The following KYAT3 variants were observed in gnomAD, a reference collection of about 807,000 sequenced individuals.
KYAT3 encodes kynurenine aminotransferase 3.
In KYAT3, 50 loss-of-function variants were observed where a neutral mutation model predicts 59.0. That is an observed-to-expected ratio of 0.85 (90% confidence interval 0.68 to 1.07). The LOEUF (loss-of-function observed/expected upper bound fraction) is 1.07, where lower values mean the gene tolerates loss of function less well. KYAT3 is among the 50% of genes least tolerant of loss of function. The pLI is 0.00. For missense variants in KYAT3, 497 were observed against 533.3 expected, an observed-to-expected ratio of 0.93 and a Z score of 0.67; for synonymous variants, 148 against 177.0, an observed-to-expected ratio of 0.84 and a Z score of 1.30.
chr1:88,970,011 A>C (rs943631993), intron 2 of KYAT3, among the ~76,000 whole-genome samples: 1 of 152,178 alleles, frequency 6.6e-6, no homozygotes, highest in African/African-American at 2.4e-5. Flanking sequence ...ACCTAAGGAC[A>C]AAAAGTATCA....
At chr1:88,973,208 T>C (rs141687668) in intron 2 of KYAT3, among the ~76,000 whole-genome samples, 74 of 152,332 alleles carry the variant, frequency 4.9e-4, no homozygotes, top group African/African-American at 1.8e-3. Flanking sequence ...AACAATCTTA[T>C]TCACAGCTCT....
the KYAT3 span, among the ~76,000 whole-genome samples, chr1:88,927,576 A>AC: frequency 6.6e-6 from 1 of 151,238 alleles, no homozygotes; most frequent in Non-Finnish European, 1.5e-5. Flanking sequence ...ACTAATAAGG[A>AC]CCCCCCTTCA....
intron 5 of KYAT3, among the ~76,000 whole-genome samples, chr1:88,963,988 AG>A (rs1423638327): frequency 6.6e-6 from 1 of 152,214 alleles, no homozygotes; most frequent in African/African-American, 2.4e-5. Flanking sequence ...GGATCACCTG[AG>A]GTCAGGAGTT....
At chr1:88,966,452 T>A (rs972992442) in intron 4 of KYAT3, among the ~76,000 whole-genome samples, 3 of 152,192 alleles carry the variant, frequency 2.0e-5, no homozygotes, top group African/African-American at 4.8e-5. Context: ...TTTTAAAAAA[T>A]TTATTCTTAA....
intron 2 of KYAT3, chr1:88,979,622 G>A (rs1016584668): frequency 3.9e-5 from 6 of 152,152 alleles, no homozygotes; most frequent in African/African-American, 1.4e-4. Flanking sequence ...GTCACCCGGG[G>A]AAATGAAAAT....
In KYAT3 at chr1:88,944,986, G is replaced by C. The variant is rs1023497335; in HGVS notation, c.1142-1563C>G. Among the ~76,000 whole-genome samples, 4 of 152,118 alleles carry C rather than the reference G, an allele frequency of 2.6e-5. No homozygotes were observed. The East Asian group carries it at 7.7e-4, about 29-fold the overall frequency. ...AGCCTCCTGAGTAGCTAGGATTACA[G>C]GTATGCGCCACCACACCTGGCTAAT... is the stretch of plus-strand genomic sequence containing the variant. On this transcript the variant is annotated intron_variant, in intron 11 of 13. Transcript: ENST00000260508.
At chr1:88,950,720 A>G (rs1035674574) in intron 10 of KYAT3, among the ~76,000 whole-genome samples, 3 of 152,114 alleles carry the variant, frequency 2.0e-5, no homozygotes, top group Non-Finnish European at 4.4e-5. Context: ...TACCACCCCC[A>G]TCTTTGTTCA....
At chr1:88,955,449 G>T (rs1570792156) in intron 8 of KYAT3, among the ~76,000 whole-genome samples, 1 of 152,016 alleles carries the variant, frequency 6.6e-6, no homozygotes, top group African/African-American at 2.4e-5. Context: ...TATATAAATA[G>T]ATTTAATAAT....
intron 2 of KYAT3, among the ~76,000 whole-genome samples, chr1:88,969,803 A>G (rs1676483667): frequency 6.6e-6 from 1 of 152,040 alleles, no homozygotes; most frequent in African/African-American, 2.4e-5. Flanking sequence ...TACTGTGCCA[A>G]ACTATTTTTT....
chr1:88,991,125 TAG>T (rs1333929161), intron 1 of KYAT3, among the ~76,000 whole-genome samples: 2 of 152,204 alleles, frequency 1.3e-5, no homozygotes, highest in Admixed American at 6.5e-5. Flanking sequence ...ATCAACGGTT[TAG>T]ACTGTTTAAA....
Position 88,964,908 on chromosome 1 carries a change from T to A in KYAT3, c.374A>T (p.Asn125Ile). The A allele has an allele frequency of 1.2e-6, 2 of 1,610,124 alleles. No homozygotes were observed. Among genetic ancestry groups the A allele is most frequent in the African/African-American group, 2.7e-5 (2 of 74,842 alleles). Residue 125 changes from asparagine to isoleucine, a missense_variant, in exon 5 of 14, where the codon AAT (asparagine) becomes ATT (isoleucine). Transcript: ENST00000260508. ...EKLYQKQIDSNKEILVTVGAY... is the reference protein window; with the variant it reads ...EKLYQKQIDSIKEILVTVGAY... ...TCCTACTGTCACAAGGATTTCTTTA[T>A]TTGAATCAATTTGCTTTTGATAAAG...
At chr1:88,945,358 G>GT (rs1557682025) in intron 11 of KYAT3, among the ~76,000 whole-genome samples, 3 of 152,128 alleles carry the variant, frequency 2.0e-5, no homozygotes, top group Admixed American at 2.0e-4. Flanking sequence ...GCCCAAATTT[G>GT]TTTTTGCATT....
chr1:88,946,324 GA>G (rs1380052068), intron 11 of KYAT3, among the ~76,000 whole-genome samples: 1 of 26,148 alleles, frequency 3.8e-5, no homozygotes, highest in Non-Finnish European at 1.1e-4. Flanking sequence ...ATGTGTAACT[GA>G]TTTTTTTTTT....
In KYAT3 at chr1:88,943,204, C is replaced by T. The variant is rs78478696; in HGVS notation, c.1216-113G>A. The T allele has an allele frequency of 0.012, 12,564 of 1,069,694 alleles. 593 individuals are homozygous for T. The African/African-American group carries it at 0.12, about 10-fold the overall frequency. 66.3% of individuals were successfully genotyped at this position (1,069,694 alleles called of 1,614,324 possible). On this transcript the variant is annotated intron_variant, in intron 12 of 13. Transcript: ENST00000260508. The stretch of plus-strand genomic sequence containing the variant: ...TACTTTTAAATAGTCACAATAATTT[C>T]CAAAAAGAAAAATGCTTTTAAAAGC...
rs749545379 is a variant in KYAT3 at position 88,943,010 on chromosome 1, T to C, written c.1297A>G (p.Ile433Val). 5.0e-6 allele frequency: 8 copies of C among 1,610,040 alleles called. No homozygotes were observed. In the South Asian group the frequency reaches 7.7e-5, roughly 16 times the overall value. ...QFEKFVRFCFIKKDSTLDAAE... is the reference protein window; with the variant it reads ...QFEKFVRFCFVKKDSTLDAAE... ...CAATAGAGCAGGGAACTTACTTTAA[T>C]GAAGCAAAAACGCACAAACTTCTCA... Residue 433 changes from isoleucine to valine, a missense_variant, in exon 13 of 14, where the codon ATT (isoleucine) becomes GTT (valine). This residue lies in a region of KYAT3 where 28 missense variants were observed against 54.2 expected (regional missense o/e 0.52). Transcript: ENST00000260508.
intron 13 of KYAT3, among the ~76,000 whole-genome samples, chr1:88,936,696 GC>G (rs35499972): frequency 0.44 from 67,193 of 151,984 alleles, 16,005 homozygotes; most frequent in South Asian, 0.68. Flanking sequence ...ACACTACTCT[GC>G]CCCTTGCTTT....
the KYAT3 span, among the ~76,000 whole-genome samples, chr1:88,926,435 C>T: frequency 1.0e-3 from 159 of 152,312 alleles, no homozygotes; most frequent in African/African-American, 3.7e-3. Flanking sequence ...CCCCTCACCC[C>T]CACAATTAGT....
intron 8 of KYAT3, 117 bp from the exon 9 acceptor site, chr1:88,955,342 C>T: frequency 1.6e-6 from 1 of 637,340 alleles, no homozygotes; most frequent in Non-Finnish European, 2.6e-6. Context: ...TATAATTTAG[C>T]CAGTATAGTT....
chr1:88,979,924 C>T (rs1676995079), intron 2 of KYAT3: 1 of 152,138 alleles, frequency 6.6e-6, no homozygotes, highest in African/African-American at 2.4e-5. Flanking sequence ...TCCCAAGGTC[C>T]ATCAACAGGT....
Sources: allele counts gnomAD v4.1 joint callset (sites outside exome capture counted in the v4.1 genomes callset), GRCh38; gene constraint gnomAD v4.1.1; regional missense constraint gnomAD v4.1.1; transcripts MANE v1.5; gene names NCBI Gene and HGNC (gene_info 2026-07-23, HGNC 2026-07-21).